The following LRP4 variants were observed in gnomAD, a reference collection of about 807,000 sequenced individuals.
LRP4 encodes low-density lipoprotein receptor-related protein 4.
Under a neutral mutation model 220.3 loss-of-function variants are expected in LRP4, and 95 were observed. The observed-to-expected ratio is 0.43, with a 90% CI of 0.37 to 0.51. The LOEUF (loss-of-function observed/expected upper bound fraction) is 0.51, where lower values mean the gene tolerates loss of function less well. Among genes scored for constraint, LRP4 ranks in the 20% least tolerant of loss-of-function variants. The probability of loss-of-function intolerance (pLI) is 0.00; values close to 1 mark genes in which losing one functional copy is unlikely to be tolerated. For missense variants in LRP4, 1,925 were observed against 2,567.0 expected (o/e 0.75, Z 5.40); for synonymous variants, 903 against 954.6 (o/e 0.95, Z 1.00).
At chr11:46,871,673 G>A (rs1480484146) in intron 30 of LRP4, 40 bp from the exon 31 acceptor site, 1 of 1,346,586 alleles carries the variant, frequency 7.4e-7, no homozygotes, top group East Asian at 2.4e-5. Context: ...CCAAACGCTT[G>A]CCAGGGAGCC....
At chr11:46,859,399 G>A (rs1024237725) in intron 37 of LRP4, 84 bp from the exon 38 acceptor site, 3 of 1,027,336 alleles carry the variant, frequency 2.9e-6, no homozygotes, top group Admixed American at 3.4e-5. Flanking sequence ...GAAGTGGATG[G>A]GGTAAGAGTA....
chr11:46,909,639 A>AAAAAAG (rs1941824052), intron 1 of LRP4, among the ~76,000 whole-genome samples: 1 of 147,424 alleles, frequency 6.8e-6, no homozygotes. Flanking sequence ...AAAAAAAAAA[A>AAAAAAG]AGGAGGAATC....
chr11:46,883,208 G>A (rs192231364), intron 19 of LRP4, among the ~76,000 whole-genome samples: 2 of 152,344 alleles, frequency 1.3e-5, no homozygotes, highest in East Asian at 3.9e-4. Flanking sequence ...ATACAAAGTT[G>A]TCACCAGCTG....
chr11:46,870,945 TAACTG>T (rs1276715852), intron 31 of LRP4, among the ~76,000 whole-genome samples: 2 of 152,362 alleles, frequency 1.3e-5, no homozygotes, highest in Non-Finnish European at 1.5e-5. Context: ...ATTTTATAGA[TAACTG>T]AAGCTGAGAG....
intron 20 of LRP4, 108 bp downstream of exon 20, chr11:46,881,594 C>T (rs1941161200): frequency 1.9e-6 from 2 of 1,060,126 alleles, no homozygotes; most frequent in Admixed American, 3.4e-5. Flanking sequence ...CTCCAGATCC[C>T]CTTATCTCCA....
Position 46,875,382 on chromosome 11 carries a change from A to C in LRP4, c.3925+74T>G. The C allele has an allele frequency of 7.6e-7, 1 of 1,311,466 alleles. No homozygotes were observed. The highest frequency in any genetic ancestry group is 1.1e-6 in the Non-Finnish European group (1 of 913,670). 81.2% of individuals were successfully genotyped at this position (1,311,466 alleles called of 1,614,324 possible). A position where few individuals can be genotyped will look rare whatever the true frequency, so the allele number is the denominator to read the frequency against. On this transcript the variant is annotated intron_variant, in intron 27 of 37. Transcript: ENST00000378623. This position sits in a 1 kb window ranked among gnomAD's most constrained non-coding sequence, Gnocchi z 4.5. ...GCTGTAAAGGAGCTCTGTGCTCTGG[A>C]TATATCTCTGATGTTGAGATGGCCC...
rs886048351 is a variant in LRP4, at chr11:46,876,530, G to C, written c.3472C>G (p.Arg1158Gly). 2.5e-6 allele frequency: 4 copies of C among 1,614,140 alleles called. No individual in the cohort carries two copies. The East Asian group carries it at 8.9e-5, about 36-fold the overall frequency. Residue 1158 changes from arginine (R) to glycine (G), a missense_variant, in exon 25 of 38, where the codon CGG (arginine) becomes GGG (glycine). By Grantham distance (125) the Arg-to-Gly change is moderately radical. Coordinates refer to ENST00000378623, the MANE Select transcript of LRP4 (RefSeq NM_002334.4). ...IEVGNLDGSM[R>G]KVLVWQNLDS... ...AGGTTCTGCCACACCAACACTTTCC[G>C]CATGGACCCGTCCAGGTTGCCCACT...
intron 30 of LRP4, among the ~76,000 whole-genome samples, chr11:46,872,254 TCAA>T (rs896858999): frequency 1.3e-5 from 2 of 152,202 alleles, no homozygotes; most frequent in East Asian, 1.9e-4. Context: ...AGACTCTGTC[TCAA>T]CAACAACAAC....
intron 1 of LRP4, among the ~76,000 whole-genome samples, chr11:46,916,334 G>A (rs1029011323): frequency 3.6e-4 from 55 of 152,066 alleles, no homozygotes; most frequent in African/African-American, 1.3e-3. Flanking sequence ...CAGTTACTCA[G>A]GAGGCTGAGA....
intron 7 of LRP4, among the ~76,000 whole-genome samples, 167 bp from the exon 8 acceptor site, chr11:46,897,161 C>T (rs1217354720): frequency 1.3e-5 from 2 of 152,152 alleles, no homozygotes; most frequent in Admixed American, 1.3e-4. Context: ...ATCCTTTCCT[C>T]AAGACACTTT....
intron 33 of LRP4, 104 bp downstream of exon 33, chr11:46,868,496 G>C: frequency 1.1e-6 from 1 of 881,880 alleles, no homozygotes; most frequent in African/African-American, 1.6e-5. Context: ...CTTCTTTATG[G>C]GGATCCCACC....
In LRP4 at chr11:46,875,918, G is replaced by A. The variant is rs148361325; in HGVS notation, c.3585C>T (p.Ser1195=). The change falls in exon 26 of 38, where the codon TCC becomes TCT. Residue 1195 remains serine (S), a synonymous_variant. Coordinates refer to ENST00000378623, the MANE Select transcript of LRP4 (RefSeq NM_002334.4). This position sits in a 1 kb window ranked among gnomAD's most constrained non-coding sequence, Gnocchi z 4.5. ...DWGENAKLER[S]GMDGSDRAVL... ...CCGCGCGGTCTGAGCCATCCATTCC[G>A]GACCGCTCTAACTTGGCATTCTCCC... The A allele has an allele frequency of 4.5e-5, 73 of 1,614,100 alleles. No homozygotes were observed. Among genetic ancestry groups the A allele is most frequent in the African/African-American group, 1.3e-4 (10 of 75,002 alleles).
At chr11:46,879,512 G>A (rs150332662) in intron 20 of LRP4, among the ~76,000 whole-genome samples, 197 bp from the exon 21 acceptor site, 99 of 152,326 alleles carry the variant, frequency 6.5e-4, no homozygotes, top group African/African-American at 2.4e-3. Flanking sequence ...TCTAAGGGTC[G>A]TGTGATGGTT....
intron 1 of LRP4, among the ~76,000 whole-genome samples, chr11:46,907,224 A>T (rs183360076): frequency 1.3e-5 from 2 of 152,356 alleles, no homozygotes; most frequent in East Asian, 3.9e-4. Context: ...AAGCTCCCTT[A>T]GCCTCCAGGG....
intron 1 of LRP4, among the ~76,000 whole-genome samples, chr11:46,912,929 G>A (rs1354727684): frequency 6.6e-6 from 1 of 152,116 alleles, no homozygotes; most frequent in Admixed American, 6.5e-5. Context: ...TGGGAGGTTT[G>A]CTCCCAGTCT....
intron 35 of LRP4, among the ~76,000 whole-genome samples, 167 bp downstream of exon 35, chr11:46,864,952 A>C (rs1940655442): frequency 6.6e-6 from 1 of 152,224 alleles, no homozygotes; most frequent in African/African-American, 2.4e-5. Context: ...GCATACCATA[A>C]GCTGTCACTG....
intron 1 of LRP4, among the ~76,000 whole-genome samples, chr11:46,905,681 G>A (rs368040425): frequency 4.6e-5 from 7 of 151,838 alleles, no homozygotes; most frequent in East Asian, 1.9e-4. Context: ...TGAAACCCCC[G>A]TCTCTACTAA....
chr11:46,914,382 A>G (rs1041508087), intron 1 of LRP4, among the ~76,000 whole-genome samples: 1 of 152,206 alleles, frequency 6.6e-6, no homozygotes, highest in Non-Finnish European at 1.5e-5. Flanking sequence ...TGAATGAACA[A>G]GTGAATGGGT....
intron 1 of LRP4, among the ~76,000 whole-genome samples, chr11:46,914,328 A>T (rs1941914591): frequency 6.6e-6 from 1 of 152,200 alleles, no homozygotes; most frequent in Non-Finnish European, 1.5e-5. Context: ...TGAGCTTCGT[A>T]TACAGTGATT....
Sources: allele counts gnomAD v4.1 joint callset (sites outside exome capture counted in the v4.1 genomes callset), GRCh38; gene constraint gnomAD v4.1.1; non-coding constraint Gnocchi (gnomAD v3.1); transcripts MANE v1.5; gene names NCBI Gene and HGNC (gene_info 2026-07-23, HGNC 2026-07-21).